The following SH2D2A variants were observed in gnomAD, a reference collection of about 807,000 sequenced individuals.
SH2D2A encodes SH2 domain containing 2A.
Under a neutral mutation model 43.6 loss-of-function variants are expected in SH2D2A, and 33 were observed. That is an observed-to-expected ratio of 0.76 (90% CI 0.57 to 1.01). The LOEUF (loss-of-function observed/expected upper bound fraction) is 1.01. Ranked by LOEUF, SH2D2A falls within the 50% of genes least tolerant of loss-of-function variation. The pLI is 0.00. For synonymous variants in SH2D2A, 212 were observed against 206.1 expected, an observed-to-expected ratio of 1.03 and a Z score of -0.25; for missense variants, 491 against 503.1, an observed-to-expected ratio of 0.98 and a Z score of 0.23.
intron 3 of SH2D2A, 112 bp from the exon 4 acceptor site, chr1:156,814,406 G>T: frequency 6.6e-7 from 1 of 1,506,454 alleles, no homozygotes; most frequent in Non-Finnish European, 8.9e-7. Context: ...TGCTGGAGCG[G>T]CTAGAGAAAG....
chr1:156,816,133 G>A (rs1407760464), intron 1 of SH2D2A, 39 bp from the exon 2 acceptor site: 2 of 1,588,266 alleles, frequency 1.3e-6, no homozygotes, highest in South Asian at 2.3e-5. Context: ...TTCTCAGAGA[G>A]GAACTATGTC....
intron 8 of SH2D2A, among the ~76,000 whole-genome samples, 151 bp from the exon 9 acceptor site, chr1:156,806,724 G>A (rs143485094): frequency 7.9e-4 from 120 of 152,296 alleles, no homozygotes; most frequent in African/African-American, 2.8e-3. Flanking sequence ...TGGATGTGTG[G>A]TAAGGAACAA....
At position 156,813,932 on chromosome 1, in the gene SH2D2A, C is replaced by T. The variant is rs774255687; in HGVS notation, c.483G>A (p.Ala161=). Residue 161 remains alanine, a synonymous_variant, in exon 5 of 9, where the codon GCG becomes GCA. Coordinates refer to ENST00000368199, the MANE Select transcript of SH2D2A (RefSeq NM_003975.4). ...AGTGCAGCAGCAGGTCCTGCAGCCG[C>T]GCGTGGGCGCTGTCCTCGCCCAGCA... is the stretch of plus-strand genomic sequence containing the variant. ...HVVLGEDSAH[A]RLQDLLLHYT... is the part of the protein sequence containing the mutation. 6.5e-7 allele frequency: 1 copy of T among 1,535,974 alleles called. No individual in the cohort carries two copies. Among genetic ancestry groups the T allele is most frequent in the Non-Finnish European group, 8.7e-7 (1 of 1,145,100 alleles).
Position 156,807,080 on chromosome 1 carries a change from T to A in SH2D2A, c.*3+95A>T. On this transcript the variant is annotated intron_variant, in intron 8 of 8. Transcript: ENST00000368199. This position sits in a 1 kb window ranked among gnomAD's most constrained non-coding sequence, Gnocchi z 5.1. ...CCTTTCCAGCTTTGAACACCTATGG[T>A]TTATTCCATCCACATTTCTTGAGAA... is the stretch of plus-strand genomic sequence containing the variant. 1 of 1,171,638 alleles carries A rather than the reference T, an allele frequency of 8.5e-7. No individual in the cohort carries two copies. The highest frequency in any genetic ancestry group is 1.3e-6 in the Non-Finnish European group (1 of 791,398). The allele number at this position is 1,171,638 out of a possible 1,614,324, so 72.6% of individuals were successfully genotyped here.
intron 3 of SH2D2A, chr1:156,814,626 G>A: frequency 9.1e-6 from 4 of 440,892 alleles, no homozygotes; most frequent in Non-Finnish European, 1.6e-5. Context: ...AAGCTGAACT[G>A]AGGAGGTGAA....
rs1652965042 is a variant in SH2D2A at position 156,806,337 on chromosome 1, A to AC, written c.*239dup. On this transcript the variant is annotated 3_prime_UTR_variant, in exon 9 of 9. Transcript: ENST00000368199. Reference sequence around the variant, plus strand: ...CTGTTCTCACCAAACCATTCCTCAGACAACAGCAGCATTGGACCAGGGCCC... The same window carrying AC: ...CTGTTCTCACCAAACCATTCCTCAGACCAACAGCAGCATTGGACCAGGGCCC... 6.6e-6 allele frequency: 1 copy of AC among 152,326 alleles called. No individual in the cohort carries two copies. The allele number at this position is 152,326 out of a possible 1,614,324, so 9.4% of individuals were successfully genotyped here. A position where few individuals can be genotyped will look rare whatever the true frequency, so the allele number is the denominator to read the frequency against.
chr1:156,816,207 G>C lies in SH2D2A; in HGVS notation c.35-113C>G, dbSNP rs1172507177. Reference sequence around the variant, plus strand: ...TCTGGAGGGCTGGGACAGTCTTAACGACAGGAAAAACGCAGAAGGGCAGCA... The same window carrying C: ...TCTGGAGGGCTGGGACAGTCTTAACCACAGGAAAAACGCAGAAGGGCAGCA... On this transcript the variant is annotated intron_variant, in intron 1 of 8. Coordinates refer to ENST00000368199, the MANE Select transcript of SH2D2A (RefSeq NM_003975.4). 3.4e-6 allele frequency: 5 copies of C among 1,456,468 alleles called. No homozygotes were observed. In the African/African-American group the frequency reaches 7.2e-5, roughly 21 times the overall value. 90.2% of individuals were successfully genotyped at this position (1,456,468 alleles called of 1,614,324 possible).
At chr1:156,814,871 A>G (rs1180366042) in intron 3 of SH2D2A, 166 bp downstream of exon 3, 1 of 518,838 alleles carries the variant, frequency 1.9e-6, no homozygotes, top group Non-Finnish European at 3.3e-6. Context: ...GAGATGCCTC[A>G]GTGAAAGGCT....
At chr1:156,812,236 G>T (rs1427439287) in intron 5 of SH2D2A, among the ~76,000 whole-genome samples, 1 of 151,982 alleles carries the variant, frequency 6.6e-6, no homozygotes, top group Non-Finnish European at 1.5e-5. Flanking sequence ...GTGAAATATT[G>T]CTCCTCCCGA....
chr1:156,811,816 A>C (rs1653441914), intron 5 of SH2D2A, among the ~76,000 whole-genome samples: 1 of 151,918 alleles, frequency 6.6e-6, no homozygotes, highest in Non-Finnish European at 1.5e-5. Flanking sequence ...GCAAACTCTA[A>C]ATGCTGGAGA....
intron 5 of SH2D2A, among the ~76,000 whole-genome samples, chr1:156,810,250 C>T (rs1440655885): frequency 6.6e-6 from 1 of 152,142 alleles, no homozygotes; most frequent in Non-Finnish European, 1.5e-5. Context: ...GTTGCCCAGG[C>T]TTGGTCTTGA....
Position 156,809,871 on chromosome 1 carries a change from A to G in SH2D2A, c.568-64T>C. On this transcript the variant is annotated intron_variant, in intron 5 of 8. Coordinates refer to ENST00000368199, the MANE Select transcript of SH2D2A (RefSeq NM_003975.4). This position sits in a 1 kb window ranked among gnomAD's most constrained non-coding sequence, Gnocchi z 4.8. ...CGTTGGGGTGGGGGAGGTGATCAGGAGGACAAAATAATCCAGTCTAAGTGG... is the reference window on the plus strand; with the variant it reads ...CGTTGGGGTGGGGGAGGTGATCAGGGGGACAAAATAATCCAGTCTAAGTGG... The G allele has an allele frequency of 6.3e-7, 1 of 1,580,528 alleles. No homozygotes were observed. Among genetic ancestry groups the G allele is most frequent in the Non-Finnish European group, 8.6e-7 (1 of 1,158,454 alleles).
intron 7 of SH2D2A, among the ~76,000 whole-genome samples, chr1:156,808,514 C>A (rs1351409764): frequency 6.6e-6 from 1 of 151,890 alleles, no homozygotes; most frequent in Non-Finnish European, 1.5e-5. Context: ...GAGCAGGGAG[C>A]CTGGGGCACC....
intron 5 of SH2D2A, among the ~76,000 whole-genome samples, chr1:156,811,342 G>A (rs1007101663): frequency 8.5e-5 from 13 of 152,094 alleles, no homozygotes; most frequent in African/African-American, 2.4e-4. Context: ...TCCAGTCTTC[G>A]AGCAGAGCAA....
chr1:156,807,407 C>G lies in SH2D2A; in HGVS notation c.1003-62G>C, dbSNP rs1653051165. On this transcript the variant is annotated intron_variant, in intron 7 of 8. Transcript: ENST00000368199. The surrounding 1 kb of genome is among the most constrained non-coding windows in gnomAD (Gnocchi z 5.1). ...ACCCTCTGCCTCCTAGGTGTACTTG[C>G]AGTCTCAAGACATCTGATCTGAACA... 7.3e-7 allele frequency: 1 copy of G among 1,368,974 alleles called. No homozygotes were observed. Among genetic ancestry groups the G allele is most frequent in the African/African-American group, 1.5e-5 (1 of 68,572 alleles). The allele number at this position is 1,368,974 out of a possible 1,614,324, so 84.8% of individuals were successfully genotyped here. A position where few individuals can be genotyped will look rare whatever the true frequency, so the allele number is the denominator to read the frequency against.
rs1653991080 is a variant in SH2D2A at position 156,816,788 on chromosome 1, T to C, written c.-80A>G. 3.8e-6 allele frequency: 5 copies of C among 1,332,030 alleles called. No homozygotes were observed. The South Asian group carries it at 7.9e-5, about 21-fold the overall frequency. 82.5% of individuals were successfully genotyped at this position (1,332,030 alleles called of 1,614,324 possible). A position where few individuals can be genotyped will look rare whatever the true frequency, so the allele number is the denominator to read the frequency against. On this transcript the variant is annotated 5_prime_UTR_variant, in exon 1 of 9. An upstream start codon of the reference 5' UTR is lost. Coordinates refer to ENST00000368199, the MANE Select transcript of SH2D2A (RefSeq NM_003975.4). ...GGTGTGCACACTCAGCAACTCATCA[T>C]CTCTCCTCTCACCCTGGCCCCGGGG...
In SH2D2A at chr1:156,816,805, GC is replaced by G. The variant is rs779534332; in HGVS notation, c.-98del. The G allele has an allele frequency of 2.7e-5, 32 of 1,179,374 alleles. No homozygotes were observed. The highest frequency in any genetic ancestry group is 3.6e-5 in the Non-Finnish European group (31 of 863,966). 73.1% of individuals were successfully genotyped at this position (1,179,374 alleles called of 1,614,324 possible). ...ACTCATCATCTCTCCTCTCACCCTG[GC>G]CCCGGGGGCAGGAAATGTCGCCTTA... On this transcript the variant is annotated 5_prime_UTR_variant, in exon 1 of 9. Transcript: ENST00000368199.
chr1:156,813,192 C>T (rs577449421), intron 5 of SH2D2A, among the ~76,000 whole-genome samples: 8 of 152,268 alleles, frequency 5.3e-5, no homozygotes, highest in African/African-American at 1.4e-4. Context: ...CTAGGCTGGG[C>T]GCAGTGGCTC....
Position 156,809,524 on chromosome 1 carries a change from G to C in SH2D2A, c.715-34C>G. ...GAAGGTGAGGCCAGGGAGGAGTGGG[G>C]TGAGGGAGGCAGGGTTAAAGCCCCA... On this transcript the variant is annotated intron_variant, in intron 6 of 8. Transcript: ENST00000368199. The surrounding 1 kb of genome is among the most constrained non-coding windows in gnomAD (Gnocchi z 4.8). 1 of 1,570,006 alleles carries C rather than the reference G, an allele frequency of 6.4e-7. No individual in the cohort carries two copies.
Sources: gnomAD v4.1 joint callset for allele counts (sites outside exome capture counted in the v4.1 genomes callset) on GRCh38, gnomAD v4.1.1 for gene constraint, Gnocchi (gnomAD v3.1) non-coding constraint, MANE v1.5 for transcripts, NCBI Gene and HGNC (gene_info 2026-07-23, HGNC 2026-07-21) for gene names.